GFRA1: variants seen among roughly 807,000 people sequenced by gnomAD.
GFRA1 encodes the protein GDNF family receptor alpha-1.
GFRA1 carries 16 observed loss-of-function variants against 51.6 expected under a neutral mutation model. The observed-to-expected ratio is 0.31, with a 90% confidence interval of 0.21 to 0.47. GFRA1 has a LOEUF of 0.47. Among genes scored for constraint, GFRA1 ranks in the 20% least tolerant of loss-of-function variants. The probability of loss-of-function intolerance (pLI) is 1.00; values close to 1 mark genes in which losing one functional copy is unlikely to be tolerated. For synonymous variants in GFRA1, 270 were observed against 241.3 expected (o/e 1.12, Z -1.10); for missense variants, 530 against 594.3 (o/e 0.89, Z 1.13).
chr10:116,274,033 A>G (rs1211870728), upstream of GFRA1, among the ~76,000 whole-genome samples: 1 of 152,222 alleles, frequency 6.6e-6, no homozygotes, highest in African/African-American at 2.4e-5. Flanking sequence ...ACCTGGCTTT[A>G]GAAAATTTAT....
chr10:116,103,206 C>G (rs900869426), intron 6 of GFRA1, among the ~76,000 whole-genome samples: 1 of 152,182 alleles, frequency 6.6e-6, no homozygotes, highest in Non-Finnish European at 1.5e-5. Context: ...CTTTAAATGT[C>G]TGCTGTGAGA....
chr10:116,225,659 G>A lies in GFRA1; in HGVS notation c.419-14014C>T, dbSNP rs183858620. On this transcript the variant is annotated intron_variant, in intron 4 of 10. Coordinates refer to ENST00000355422, the MANE Select transcript of GFRA1 (RefSeq NM_005264.8). ...GGCTGGAATGCAGTGGTGTGATCTC[G>A]GCTCATAGCAGCCTCTGCCTCCCAA... Among the ~76,000 whole-genome samples, 1,403 of 149,424 alleles carry A rather than the reference G, an allele frequency of 9.4e-3. 19 individuals carry two copies. The highest frequency in any genetic ancestry group is 0.03 in the African/African-American group (1,218 of 40,446).
At chr10:116,179,256 C>T (rs954398103) in intron 5 of GFRA1, among the ~76,000 whole-genome samples, 7 of 152,212 alleles carry the variant, frequency 4.6e-5, no homozygotes, top group Admixed American at 1.3e-4. Flanking sequence ...AGTCTTCATA[C>T]AAACCCTACG....
At chr10:116,147,293 C>T (rs1958844842) in intron 5 of GFRA1, among the ~76,000 whole-genome samples, 1 of 152,112 alleles carries the variant, frequency 6.6e-6, no homozygotes, top group Non-Finnish European at 1.5e-5. Context: ...TTGAGAGAGC[C>T]CTTTGGCCCT....
At chr10:116,184,675 G>A (rs1037629620) in intron 5 of GFRA1, among the ~76,000 whole-genome samples, 7 of 152,262 alleles carry the variant, frequency 4.6e-5, no homozygotes, top group African/African-American at 1.7e-4. Flanking sequence ...TGTCTCATCA[G>A]AGGGTCACAG....
intron 5 of GFRA1, among the ~76,000 whole-genome samples, chr10:116,209,759 G>A (rs891376959): frequency 8.6e-5 from 13 of 152,014 alleles, no homozygotes; most frequent in African/African-American, 2.9e-4. Flanking sequence ...GTCACCAGTT[G>A]AACATTTTAC....
At position 116,062,671 on chromosome 10, in the gene GFRA1, C is replaced by G. The variant is rs1954876393; in HGVS notation, c.*1727G>C. The G allele has an allele frequency of 6.6e-6, 1 of 152,232 alleles. No individual in the cohort carries two copies. The highest frequency in any genetic ancestry group is 1.5e-5 in the Non-Finnish European group (1 of 68,072). 9.4% of individuals were successfully genotyped at this position (152,232 alleles called of 1,614,324 possible). ...CAATGTGGGAAGAAAGCCAATGCTT[C>G]CCAGCACTTTCTGAAGGTGGAATCT... On this transcript the variant is annotated 3_prime_UTR_variant, in exon 11 of 11. Coordinates refer to ENST00000355422, the MANE Select transcript of GFRA1 (RefSeq NM_005264.8).
chr10:116,220,642 T>C (rs531468394), intron 4 of GFRA1, among the ~76,000 whole-genome samples: 9 of 152,212 alleles, frequency 5.9e-5, no homozygotes, highest in African/African-American at 2.2e-4. Context: ...TCAAGCATTG[T>C]TGATCATCAT....
chr10:116,257,726 A>C (rs770773874), intron 4 of GFRA1, among the ~76,000 whole-genome samples: 6 of 152,226 alleles, frequency 3.9e-5, no homozygotes, highest in Non-Finnish European at 7.3e-5. Context: ...TTGACCTACT[A>C]AAATGGCAAT....
rs144050828 is a variant in GFRA1, at chr10:116,229,716, G to A, written c.419-18071C>T. Among the ~76,000 whole-genome samples the A allele has an allele frequency of 6.6e-5, 10 of 152,318 alleles. No individual in the cohort carries two copies. In the South Asian group the frequency reaches 1.9e-3, roughly 28 times the overall value. ...CATGTGGACAGTCAGCTGTAGGGCT[G>A]CCCTTCCCCTAATACATCGACATTT... On this transcript the variant is annotated intron_variant, in intron 4 of 10. Transcript: ENST00000355422.
intron 6 of GFRA1, among the ~76,000 whole-genome samples, chr10:116,112,674 G>C (rs1018620693): frequency 2.6e-5 from 4 of 152,204 alleles, no homozygotes; most frequent in Non-Finnish European, 4.4e-5. Context: ...ATCTACAAAG[G>C]AGCTGTCAGG....
At chr10:116,130,141 A>C (rs1175621469) in intron 5 of GFRA1, among the ~76,000 whole-genome samples, 1 of 151,724 alleles carries the variant, frequency 6.6e-6, no homozygotes. Flanking sequence ...CTCTACACTG[A>C]AAAATAAAAA....
chr10:116,230,509 C>T lies in GFRA1; in HGVS notation c.419-18864G>A, dbSNP rs1000502399. ...CTGGAAACGTGCTACAGGGAAGACACACACATATATAGATATAAAGGCTGT... is the reference window on the plus strand; with the variant it reads ...CTGGAAACGTGCTACAGGGAAGACATACACATATATAGATATAAAGGCTGT... On this transcript the variant is annotated intron_variant, in intron 4 of 10. Transcript: ENST00000355422. Among the ~76,000 whole-genome samples the T allele has an allele frequency of 2.0e-5, 3 of 152,172 alleles. No individual in the cohort carries two copies. In the South Asian group the frequency reaches 6.2e-4, roughly 32 times the overall value.
intron 9 of GFRA1, among the ~76,000 whole-genome samples, chr10:116,067,202 T>C (rs1955153646): frequency 6.6e-6 from 1 of 152,154 alleles, no homozygotes; most frequent in Non-Finnish European, 1.5e-5. Context: ...TAATAGCAAA[T>C]CTGGTCCACT....
chr10:116,226,502 G>C (rs1227145887), intron 4 of GFRA1, among the ~76,000 whole-genome samples: 1 of 152,100 alleles, frequency 6.6e-6, no homozygotes, highest in African/African-American at 2.4e-5. Context: ...CTTTAGCTCC[G>C]CATTTGTGAG....
chr10:116,198,411 G>A (rs148021516), intron 5 of GFRA1, among the ~76,000 whole-genome samples: 1,624 of 152,286 alleles, frequency 0.011, 40 homozygotes, highest in African/African-American at 0.038. Context: ...GCATACAGAC[G>A]TGCTTTCCCA....
At chr10:116,116,258 G>C (rs1242059891) in intron 6 of GFRA1, among the ~76,000 whole-genome samples, 1 of 152,184 alleles carries the variant, frequency 6.6e-6, no homozygotes, top group African/African-American at 2.4e-5. Context: ...GTACTCTCAA[G>C]ATGCAATCCA....
Position 116,271,994 on chromosome 10 carries a change from G to A in GFRA1, c.36C>T (p.Leu12=), listed in dbSNP as rs1431885205. Residue 12 remains leucine, a synonymous_variant, in exon 2 of 11, where the codon CTC becomes CTT. Coordinates refer to ENST00000355422, the MANE Select transcript of GFRA1 (RefSeq NM_005264.8). The part of the protein sequence containing the change: ...FLATLYFALP[L]LDLLLSAEVS... ...CCGCGGCGGGCCTCGACTTACCCAA[G>A]AGCGGCAGCGCGAAGTACAGGGTCG... is the stretch of plus-strand genomic sequence containing the variant. The A allele has an allele frequency of 1.9e-6, 3 of 1,556,302 alleles. No homozygotes were observed. The highest frequency in any genetic ancestry group is 2.6e-6 in the Non-Finnish European group (3 of 1,150,388).
At chr10:116,210,956 C>CCATG (rs1965147406) in intron 5 of GFRA1, among the ~76,000 whole-genome samples, 1 of 152,164 alleles carries the variant, frequency 6.6e-6, no homozygotes, top group Non-Finnish European at 1.5e-5. Flanking sequence ...AGGCCATGAT[C>CCATG]CATGAGTCTC....
Sources: gnomAD v4.1 joint callset for allele counts (sites outside exome capture counted in the v4.1 genomes callset) on GRCh38, gnomAD v4.1.1 for gene constraint, MANE v1.5 for transcripts, NCBI Gene and HGNC (gene_info 2026-07-23, HGNC 2026-07-21) for gene names.